The following RAPGEF1 variants were observed in gnomAD, a reference collection of about 807,000 sequenced individuals.
RAPGEF1 encodes the protein Rap guanine nucleotide exchange factor 1.
In RAPGEF1, 33 loss-of-function variants were observed where a neutral mutation model predicts 143.3. The observed-to-expected ratio is 0.23, with a 90% CI of 0.17 to 0.31. The LOEUF (loss-of-function observed/expected upper bound fraction) is 0.31, where lower values mean the gene tolerates loss of function less well. Among genes scored for constraint, RAPGEF1 ranks in the 10% least tolerant of loss-of-function variants. The pLI is 1.00. For synonymous variants in RAPGEF1, 629 were observed against 676.5 expected (o/e 0.93, Z 1.09); for missense variants, 1,199 against 1,645.4 (o/e 0.73, Z 4.69).
intron 1 of RAPGEF1, among the ~76,000 whole-genome samples, chr9:131,696,272 CG>C (rs1230681558): frequency 6.6e-6 from 1 of 152,114 alleles, no homozygotes. Context: ...CGGGGATCCC[CG>C]GACCATCCTG....
In RAPGEF1 at chr9:131,655,881, C is replaced by A. The variant is rs1216662031; in HGVS notation, c.62-4932G>T. On this transcript the variant is annotated intron_variant, in intron 1 of 26. Coordinates refer to ENST00000683357, the MANE Select transcript of RAPGEF1 (RefSeq NM_001377935.1). This position sits in a 1 kb window ranked among gnomAD's most constrained non-coding sequence, Gnocchi z 4.1. ...AGATTACAGGTGTGAGCCACCGCGC[C>A]CGGCCAAAAAATTTTCTAAAAGGGG... Among the ~76,000 whole-genome samples the A allele has an allele frequency of 1.3e-5, 2 of 152,056 alleles. No homozygotes were observed. Among genetic ancestry groups the A allele is most frequent in the Non-Finnish European group, 2.9e-5 (2 of 68,014 alleles).
At chr9:131,684,107 T>G (rs932742537) in intron 1 of RAPGEF1, among the ~76,000 whole-genome samples, 2 of 152,268 alleles carry the variant, frequency 1.3e-5, no homozygotes, top group Admixed American at 6.5e-5. Flanking sequence ...AAGCTAAAGC[T>G]ATTGTCCAGT....
At chr9:131,629,652 A>G (rs1438432256) in intron 6 of RAPGEF1, among the ~76,000 whole-genome samples, 10 of 152,062 alleles carry the variant, frequency 6.6e-5, no homozygotes, top group Non-Finnish European at 1.2e-4. Flanking sequence ...TTAGCTGGGC[A>G]TGGTGGCGTG....
chr9:131,655,299 G>A lies in RAPGEF1; in HGVS notation c.62-4350C>T, dbSNP rs141929844. ...CAGCTGTGTGATGGCCAGAGCTGCAGAAAGCCCTTCTTAGTCCCCAGATGG... is the reference window on the plus strand; with the variant it reads ...CAGCTGTGTGATGGCCAGAGCTGCAAAAAGCCCTTCTTAGTCCCCAGATGG... On this transcript the variant is annotated intron_variant, in intron 1 of 26. Transcript: ENST00000683357. The surrounding 1 kb of genome is among the most constrained non-coding windows in gnomAD (Gnocchi z 4.1). 9.7e-4 allele frequency among the ~76,000 whole-genome samples: 148 copies of A among 152,364 alleles called. 5 individuals are homozygous for A. The East Asian group carries it at 0.022, about 22-fold the overall frequency.
Position 131,584,188 on chromosome 9 carries a change from A to G in RAPGEF1, c.3414+123T>C. 2.3e-6 allele frequency: 2 copies of G among 872,582 alleles called. No individual in the cohort carries two copies. Among genetic ancestry groups the G allele is most frequent in the East Asian group, 5.3e-5 (2 of 37,576 alleles). 54.1% of individuals were successfully genotyped at this position (872,582 alleles called of 1,614,324 possible). ...TCTGGTCACACAGCATGTCGGTGGCAGAGCAGGGGCCTAGGCCCAGCATTT... is the reference window on the plus strand; with the variant it reads ...TCTGGTCACACAGCATGTCGGTGGCGGAGCAGGGGCCTAGGCCCAGCATTT... On this transcript the variant is annotated intron_variant, in intron 24 of 26. Coordinates refer to ENST00000683357, the MANE Select transcript of RAPGEF1 (RefSeq NM_001377935.1). The surrounding 1 kb of genome is among the most constrained non-coding windows in gnomAD (Gnocchi z 6.8).
chr9:131,729,818 G>A (rs896604442), intron 1 of RAPGEF1, among the ~76,000 whole-genome samples: 1 of 152,092 alleles, frequency 6.6e-6, no homozygotes, highest in Non-Finnish European at 1.5e-5. Flanking sequence ...TCCTAGCATC[G>A]TTCCCGGCAC....
At chr9:131,646,003 C>T (rs1969493999) in intron 3 of RAPGEF1, among the ~76,000 whole-genome samples, 1 of 152,166 alleles carries the variant, frequency 6.6e-6, no homozygotes. Context: ...ATACCAACAC[C>T]AGAGACCATA....
chr9:131,728,644 T>G (rs1836825150), intron 1 of RAPGEF1, among the ~76,000 whole-genome samples: 1 of 152,234 alleles, frequency 6.6e-6, no homozygotes, highest in South Asian at 2.1e-4. Flanking sequence ...GACTTCAGCT[T>G]TCTTAGAGAG....
At chr9:131,639,790 AT>A (rs1439852910) in intron 4 of RAPGEF1, among the ~76,000 whole-genome samples, 1 of 152,236 alleles carries the variant, frequency 6.6e-6, no homozygotes, top group East Asian at 1.9e-4. Flanking sequence ...TGAGGAAAAT[AT>A]ATAATATTGT....
chr9:131,629,108 T>C lies in RAPGEF1; in HGVS notation c.887A>G (p.Asp296Gly). 2 of 1,613,416 alleles carry C rather than the reference T, an allele frequency of 1.2e-6. No homozygotes were observed. The highest frequency in any genetic ancestry group is 1.7e-6 in the Non-Finnish European group (2 of 1,179,592). Reference protein sequence around the residue: ...KPPLPGIRVVDNSPPPALPPK... With the variant: ...KPPLPGIRVVGNSPPPALPPK... ...CAAATAGGAAGGTAATTACCTATTATCAACCACCCGAATGCCAGGCAGAGG... is the reference window on the plus strand; with the variant it reads ...CAAATAGGAAGGTAATTACCTATTACCAACCACCCGAATGCCAGGCAGAGG... The change falls in exon 7 of 27, where the codon GAT becomes GGT. Residue 296 changes from aspartate to glycine, a missense_variant. Around this residue, in one of 6 missense-constraint regions of RAPGEF1, gnomAD observed 613 missense variants for 710.9 expected, o/e 0.86. Transcript: ENST00000683357.
chr9:131,645,768 T>A (rs1969417237), intron 3 of RAPGEF1, among the ~76,000 whole-genome samples: 2 of 152,168 alleles, frequency 1.3e-5, no homozygotes, highest in African/African-American at 4.8e-5. Context: ...TGCGCACCCC[T>A]CCTGCTGTGG....
intron 3 of RAPGEF1, among the ~76,000 whole-genome samples, chr9:131,648,042 C>T (rs1159225860): frequency 6.6e-6 from 1 of 152,136 alleles, no homozygotes; most frequent in Non-Finnish European, 1.5e-5. Context: ...ACTAAATGAG[C>T]GGTACTTTAG....
In RAPGEF1 at chr9:131,628,325, A is replaced by C. The variant is rs1281767684; in HGVS notation, c.1017+224T>G. On this transcript the variant is annotated intron_variant, in intron 8 of 26. Coordinates refer to ENST00000683357, the MANE Select transcript of RAPGEF1 (RefSeq NM_001377935.1). The surrounding 1 kb of genome is among the most constrained non-coding windows in gnomAD (Gnocchi z 5.7). ...CCTGGGGCTGGACTCACCTATCCCC[A>C]GGAGACGCCCTTTGGCTCTGCCCTC... Among the ~76,000 whole-genome samples the C allele has an allele frequency of 6.6e-6, 1 of 152,170 alleles. No individual in the cohort carries two copies. Among genetic ancestry groups the C allele is most frequent in the Non-Finnish European group, 1.5e-5 (1 of 68,016 alleles).
chr9:131,582,172 C>A (rs1402408565), intron 25 of RAPGEF1, among the ~76,000 whole-genome samples: 1 of 152,128 alleles, frequency 6.6e-6, no homozygotes, highest in African/African-American at 2.4e-5. Context: ...CTCAAGGTCC[C>A]TGGGTGGCCG....
At chr9:131,732,737 T>G (rs1340431102) in intron 1 of RAPGEF1, among the ~76,000 whole-genome samples, 1 of 152,218 alleles carries the variant, frequency 6.6e-6, no homozygotes, top group East Asian at 1.9e-4. Flanking sequence ...AATTTGAGAC[T>G]TGGAACCAGA....
At chr9:131,610,099 T>C (rs1957802548) in intron 12 of RAPGEF1, among the ~76,000 whole-genome samples, 2 of 152,202 alleles carry the variant, frequency 1.3e-5, no homozygotes, top group South Asian at 4.1e-4. Flanking sequence ...TTTTGCTGTG[T>C]TGCTCAGGCT....
chr9:131,685,296 G>A (rs768532462), intron 1 of RAPGEF1, among the ~76,000 whole-genome samples: 31 of 152,200 alleles, frequency 2.0e-4, no homozygotes, highest in East Asian at 3.9e-4. Context: ...CAAAGAAGGC[G>A]GACATGTTGG....
At chr9:131,737,887 C>T in intron 1 of RAPGEF1, among the ~76,000 whole-genome samples, 1 of 28,396 alleles carries the variant, frequency 3.5e-5, no homozygotes, top group East Asian at 6.8e-4. Flanking sequence ...ATGGCGTGAA[C>T]CCAGGAGGAG....
chr9:131,635,525 T>C (rs960362027), intron 5 of RAPGEF1, among the ~76,000 whole-genome samples: 1 of 152,066 alleles, frequency 6.6e-6, no homozygotes, highest in Non-Finnish European at 1.5e-5. Context: ...GCTGACAACA[T>C]CCTCATGAGT....
Sources: allele counts gnomAD v4.1 joint callset (sites outside exome capture counted in the v4.1 genomes callset), GRCh38; gene constraint gnomAD v4.1.1; regional missense constraint gnomAD v4.1.1; non-coding constraint Gnocchi (gnomAD v3.1); transcripts MANE v1.5; gene names NCBI Gene and HGNC (gene_info 2026-07-23, HGNC 2026-07-21).